The following NYAP2 variants were observed in gnomAD, a reference collection of about 807,000 sequenced individuals.
NYAP2 encodes the protein neuronal tyrosine-phosphorylated phosphoinositide-3-kinase adapter 2.
NYAP2 carries 23 observed loss-of-function variants against 50.4 expected under a neutral mutation model. The observed-to-expected ratio is 0.46, with a 90% CI of 0.33 to 0.65. NYAP2 has a LOEUF of 0.65. NYAP2 is among the 30% of genes least tolerant of loss of function. The probability of loss-of-function intolerance (pLI) is 0.02; values close to 1 mark genes in which losing one functional copy is unlikely to be tolerated. For synonymous variants in NYAP2, 394 were observed against 365.2 expected (o/e 1.08, Z -0.90); for missense variants, 885 against 861.0 (o/e 1.03, Z -0.35).
At chr2:225,672,850 G>A in the NYAP2 span, among the ~76,000 whole-genome samples, 3 of 152,086 alleles carry the variant, frequency 2.0e-5, no homozygotes, top group South Asian at 2.1e-4. Context: ...GTGAGAACAC[G>A]TAAAGCACTA....
chr2:225,625,814 T>G (rs1471306476), intron 5 of NYAP2, among the ~76,000 whole-genome samples: 1 of 152,178 alleles, frequency 6.6e-6, no homozygotes, highest in African/African-American at 2.4e-5. Flanking sequence ...CAGGGTTACA[T>G]TATGATCAGA....
the NYAP2 span, chr2:225,700,019 T>C: frequency 6.6e-6 from 1 of 151,326 alleles, no homozygotes; most frequent in Non-Finnish European, 1.5e-5. Flanking sequence ...TTTGAAGTTA[T>C]TGTTATAGCA....
the NYAP2 span, among the ~76,000 whole-genome samples, chr2:225,682,841 A>T: frequency 2.0e-5 from 3 of 152,162 alleles, no homozygotes; most frequent in Non-Finnish European, 4.4e-5. Context: ...ATTGTAGGCA[A>T]TGAGATCATA....
At chr2:225,638,042 G>A (rs950607603) in intron 6 of NYAP2, among the ~76,000 whole-genome samples, 1 of 152,064 alleles carries the variant, frequency 6.6e-6, no homozygotes, top group African/African-American at 2.4e-5. Context: ...GTGGTTAGAG[G>A]CTGAGAGAGA....
chr2:225,629,965 G>A (rs539000061), intron 6 of NYAP2, among the ~76,000 whole-genome samples: 1 of 152,282 alleles, frequency 6.6e-6, no homozygotes, highest in East Asian at 1.9e-4. Flanking sequence ...TCTTCCTGGG[G>A]CAGAGTGATT....
intron 4 of NYAP2, among the ~76,000 whole-genome samples, chr2:225,514,723 AGCAAATGTGGAAAACACTTCAAGGTT>A (rs1328900991): frequency 2.0e-5 from 3 of 152,166 alleles, no homozygotes; most frequent in Non-Finnish European, 4.4e-5. Flanking sequence ...ATCTTTACAT[AGCAAATGTGGAAAACACTTCAAGGTT>A]CCCAATGCTG....
intron 4 of NYAP2, among the ~76,000 whole-genome samples, chr2:225,523,372 A>C (rs1691099313): frequency 6.6e-6 from 1 of 151,920 alleles, no homozygotes; most frequent in Non-Finnish European, 1.5e-5. Flanking sequence ...AAATGAATTC[A>C]GTAAAGTACC....
chr2:225,688,425 C>T, the NYAP2 span, among the ~76,000 whole-genome samples: 11 of 152,054 alleles, frequency 7.2e-5, no homozygotes, highest in South Asian at 2.1e-4. Flanking sequence ...TTTTTATGAA[C>T]ATTTATTGCA....
chr2:225,574,788 C>G (rs906596827), intron 4 of NYAP2, among the ~76,000 whole-genome samples: 1 of 152,118 alleles, frequency 6.6e-6, no homozygotes, highest in Non-Finnish European at 1.5e-5. Context: ...TGCTTTAGAG[C>G]CCCAGGTTCA....
chr2:225,440,265 GC>G (rs1689448841), intron 3 of NYAP2, among the ~76,000 whole-genome samples: 1 of 152,208 alleles, frequency 6.6e-6, no homozygotes, highest in Non-Finnish European at 1.5e-5. Context: ...ATCATAGGAT[GC>G]GCTGGGTAGA....
intron 4 of NYAP2, among the ~76,000 whole-genome samples, chr2:225,524,035 T>C (rs990816647): frequency 6.6e-6 from 1 of 152,138 alleles, no homozygotes; most frequent in African/African-American, 2.4e-5. Context: ...GTCAGGATTC[T>C]CCAGAGGGAC....
intron 2 of NYAP2, among the ~76,000 whole-genome samples, chr2:225,407,749 CT>C (rs1488060679): frequency 1.3e-5 from 2 of 151,950 alleles, no homozygotes; most frequent in African/African-American, 4.8e-5. Flanking sequence ...AATTTTTCCC[CT>C]TGTTAATTGA....
At chr2:225,427,932 T>C (rs1229435275) in intron 3 of NYAP2, among the ~76,000 whole-genome samples, 2 of 152,156 alleles carry the variant, frequency 1.3e-5, no homozygotes, top group Non-Finnish European at 2.9e-5. Context: ...ATGACTCTCC[T>C]TCCTCCTATA....
chr2:225,554,220 T>G (rs75727613), intron 4 of NYAP2, among the ~76,000 whole-genome samples: 1 of 150,954 alleles, frequency 6.6e-6, no homozygotes, highest in Non-Finnish European at 1.5e-5. Flanking sequence ...TTTTTTTTTT[T>G]GCTTCTTTTC....
chr2:225,522,448 A>G (rs1404574191), intron 4 of NYAP2, among the ~76,000 whole-genome samples: 1 of 152,126 alleles, frequency 6.6e-6, no homozygotes, highest in African/African-American at 2.4e-5. Flanking sequence ...AATATTTGCA[A>G]TCATGGTTGT....
chr2:225,658,597 A>G (rs1378292836), downstream of NYAP2, among the ~76,000 whole-genome samples: 2 of 152,242 alleles, frequency 1.3e-5, no homozygotes, highest in African/African-American at 4.8e-5. Flanking sequence ...AAACAATGCA[A>G]GTGCAAAAAA....
At chr2:225,418,333 G>T (rs1559174615) in intron 3 of NYAP2, among the ~76,000 whole-genome samples, 1 of 152,138 alleles carries the variant, frequency 6.6e-6, no homozygotes, top group African/African-American at 2.4e-5. Flanking sequence ...GGACATGGAG[G>T]TTACTGTCAG....
intron 5 of NYAP2, among the ~76,000 whole-genome samples, chr2:225,593,365 G>A (rs1305595374): frequency 6.6e-6 from 1 of 152,258 alleles, no homozygotes; most frequent in African/African-American, 2.4e-5. Context: ...TGGGGCTTCT[G>A]CAGATTACTG....
At chr2:225,561,098 A>G (rs769985990) in intron 4 of NYAP2, among the ~76,000 whole-genome samples, 8 of 152,128 alleles carry the variant, frequency 5.3e-5, no homozygotes, top group Non-Finnish European at 1.0e-4. Context: ...AGAGGCAGCG[A>G]TATTACAGTA....
Sources: gnomAD v4.1 joint callset for allele counts (sites outside exome capture counted in the v4.1 genomes callset) on GRCh38, gnomAD v4.1.1 for gene constraint, MANE v1.5 for transcripts, NCBI Gene and HGNC (gene_info 2026-07-23, HGNC 2026-07-21) for gene names.